RHEX: variants seen among roughly 807,000 people sequenced by gnomAD.
The protein encoded by RHEX is regulator of hemoglobinization and erythroid cell expansion.
RHEX carries 18 observed loss-of-function variants against 20.1 expected under a neutral mutation model. That is an observed-to-expected ratio of 0.90 (90% CI 0.62 to 1.33). The LOEUF (loss-of-function observed/expected upper bound fraction) is 1.33, where lower values mean the gene tolerates loss of function less well. Among genes scored for constraint, RHEX ranks in the 40% most tolerant of loss-of-function variants. The pLI, the probability that RHEX is intolerant of heterozygous loss-of-function variation, is 0.00. For missense variants in RHEX, 192 were observed against 214.3 expected (o/e 0.90, Z 0.65); for synonymous variants, 87 against 77.1 (o/e 1.13, Z -0.67).
At chr1:206,069,401 GAT>G (rs1662487527) in intron 1 of RHEX, among the ~76,000 whole-genome samples, 1 of 152,224 alleles carries the variant, frequency 6.6e-6, no homozygotes, top group African/African-American at 2.4e-5. Flanking sequence ...GGCTTCTGTA[GAT>G]ATATAAAATA....
intron 1 of RHEX, among the ~76,000 whole-genome samples, chr1:206,081,112 A>G (rs1392029643): frequency 3.9e-5 from 6 of 152,220 alleles, no homozygotes; most frequent in African/African-American, 1.4e-4. Flanking sequence ...AAGTGCTGGA[A>G]CTATAGGCTG....
At chr1:206,058,691 C>T (rs562329143) in intron 1 of RHEX, among the ~76,000 whole-genome samples, 17 of 152,232 alleles carry the variant, frequency 1.1e-4, no homozygotes, top group East Asian at 7.7e-4. Context: ...CTCTGACCAC[C>T]GGTGCATGCA....
intron 1 of RHEX, among the ~76,000 whole-genome samples, chr1:206,093,101 C>T (rs1362240079): frequency 6.6e-6 from 1 of 152,162 alleles, no homozygotes; most frequent in Non-Finnish European, 1.5e-5. Flanking sequence ...CTTCTTTCCC[C>T]TTCTTTTGTT....
chr1:206,099,824 T>C, intron 4 of RHEX, 26 bp downstream of exon 4: 1 of 1,610,658 alleles, frequency 6.2e-7, no homozygotes, highest in Non-Finnish European at 8.5e-7. Flanking sequence ...GAGGGAGAAC[T>C]TGTCTAGGGA....
intron 1 of RHEX, among the ~76,000 whole-genome samples, chr1:206,068,933 C>A (rs180924847): frequency 3.3e-5 from 5 of 152,194 alleles, no homozygotes; most frequent in Non-Finnish European, 7.3e-5. Flanking sequence ...CCCACAGGGG[C>A]CCCCATGACC....
chr1:206,097,595 G>A (rs1553287843), intron 1 of RHEX, 138 bp from the exon 2 acceptor site: 2 of 600,514 alleles, frequency 3.3e-6, no homozygotes, highest in East Asian at 2.8e-5. Flanking sequence ...AATGTATCAT[G>A]TAGGAAAGTG....
chr1:206,099,482 C>T (rs1663142174), intron 3 of RHEX, among the ~76,000 whole-genome samples, 173 bp from the exon 4 acceptor site: 5 of 152,096 alleles, frequency 3.3e-5, no homozygotes, highest in Non-Finnish European at 7.4e-5. Flanking sequence ...TCATGCCCAA[C>T]TAATTTTTGT....
At chr1:206,071,621 A>C (rs1662530984) in intron 1 of RHEX, among the ~76,000 whole-genome samples, 1 of 150,936 alleles carries the variant, frequency 6.6e-6, no homozygotes, top group South Asian at 2.1e-4. Context: ...GCAAGGTGAG[A>C]GGATCACTTA....
intron 5 of RHEX, among the ~76,000 whole-genome samples, chr1:206,101,423 A>T (rs1195128598): frequency 6.6e-6 from 1 of 152,064 alleles, no homozygotes; most frequent in Non-Finnish European, 1.5e-5. Context: ...GTAAAAATGA[A>T]AGTGCTAATG....
chr1:206,054,981 G>T (rs145362742), intron 1 of RHEX, among the ~76,000 whole-genome samples: 1 of 152,396 alleles, frequency 6.6e-6, no homozygotes, highest in Non-Finnish European at 1.5e-5. Context: ...TGGCTGAAAT[G>T]GATCAAATAT....
intron 1 of RHEX, chr1:206,061,318 T>G (rs895005295): frequency 3.3e-5 from 5 of 152,208 alleles, no homozygotes; most frequent in Non-Finnish European, 7.3e-5. Context: ...CAACTCAGAC[T>G]GACTCTGAGT....
chr1:206,073,667 C>T (rs1412222155), intron 1 of RHEX, among the ~76,000 whole-genome samples: 2 of 152,062 alleles, frequency 1.3e-5, no homozygotes, highest in African/African-American at 4.8e-5. Context: ...TCCATGACTC[C>T]CTGTCTCGCG....
intron 2 of RHEX, 22 bp from the exon 3 acceptor site, chr1:206,098,059 G>T: frequency 6.3e-7 from 1 of 1,577,014 alleles, no homozygotes; most frequent in Non-Finnish European, 8.7e-7. Flanking sequence ...CTCTGACTTT[G>T]CCCCTTTTTC....
chr1:206,098,798 C>G (rs1553288047), intron 3 of RHEX, among the ~76,000 whole-genome samples: 1 of 152,230 alleles, frequency 6.6e-6, no homozygotes, highest in Non-Finnish European at 1.5e-5. Context: ...ATCTAAGACA[C>G]TCTCTGGGCC....
At chr1:206,079,722 A>G (rs1345446064) in intron 1 of RHEX, among the ~76,000 whole-genome samples, 3 of 152,268 alleles carry the variant, frequency 2.0e-5, no homozygotes, top group Admixed American at 2.0e-4. Context: ...CGCCGGGCTA[A>G]TTTTTAAATT....
intron 1 of RHEX, among the ~76,000 whole-genome samples, chr1:206,079,296 A>G (rs1553285568): frequency 1.3e-5 from 2 of 152,234 alleles, no homozygotes; most frequent in African/African-American, 4.8e-5. Context: ...AAATAGATAC[A>G]CTCAAATGCT....
intron 1 of RHEX, among the ~76,000 whole-genome samples, chr1:206,077,966 G>T (rs1553285444): frequency 6.6e-6 from 1 of 152,150 alleles, no homozygotes; most frequent in African/African-American, 2.4e-5. Context: ...GTCCACATGG[G>T]TGCTGAGATA....
chr1:206,070,802 G>A (rs1407973492), intron 1 of RHEX, among the ~76,000 whole-genome samples: 20 of 152,040 alleles, frequency 1.3e-4, no homozygotes, highest in Admixed American at 1.3e-3. Context: ...CCCACCACTG[G>A]TCACCCCTGT....
rs181494049 is a variant in RHEX at position 206,067,976 on chromosome 1, T to C, written c.-97+14711T>C. Among the ~76,000 whole-genome samples, 91 of 152,230 alleles carry C rather than the reference T, an allele frequency of 6.0e-4. No homozygotes were observed. Among genetic ancestry groups the C allele is most frequent in the African/African-American group, 2.1e-3 (89 of 41,518 alleles). On this transcript the variant is annotated intron_variant, in intron 1 of 5. Transcript: ENST00000331555. This position sits in a 1 kb window ranked among gnomAD's most constrained non-coding sequence, Gnocchi z 4.6. ...GATAAGAAAATACGTACTCCATGGC[T>C]CCATTCCACTTACGGGGACTGGAGT...
Sources: gnomAD v4.1 joint callset for allele counts (sites outside exome capture counted in the v4.1 genomes callset) on GRCh38, gnomAD v4.1.1 for gene constraint, Gnocchi (gnomAD v3.1) non-coding constraint, MANE v1.5 for transcripts, NCBI Gene and HGNC (gene_info 2026-07-23, HGNC 2026-07-21) for gene names.